The following ZNF705B variants were observed in gnomAD, a reference collection of about 807,000 sequenced individuals.
ZNF705B encodes the protein Putative zinc finger protein 705D-like protein LOC100132396.
In ZNF705B, 1 loss-of-function variant was observed where a neutral mutation model predicts 10.5. That is an observed-to-expected ratio of 0.10 (90% CI 0.03 to 0.45). ZNF705B has a LOEUF of 0.45. Among genes scored for constraint, ZNF705B ranks in the 20% least tolerant of loss-of-function variants. The pLI is 0.97. For missense variants in ZNF705B, 14 were observed against 84.0 expected, an observed-to-expected ratio of 0.17 and a Z score of 3.26; for synonymous variants, 4 against 25.4, an observed-to-expected ratio of 0.16 and a Z score of 2.53.
In ZNF705B at chr8:7,931,922, G is replaced by T. The variant is rs1453508150; in HGVS notation, c.-72+1486G>T. Among the ~76,000 whole-genome samples the T allele has an allele frequency of 3.0e-4, 38 of 124,932 alleles. 1 individual carries two copies. Among genetic ancestry groups the T allele is most frequent in the African/African-American group, 9.0e-4 (36 of 40,102 alleles). The allele number at this position is 124,932 out of a possible 152,430, so 82.0% of individuals were successfully genotyped here. On this transcript the variant is annotated intron_variant, in intron 2 of 6. Coordinates refer to ENST00000400120, the MANE Select transcript of ZNF705B (RefSeq NM_001193630.1). The stretch of plus-strand genomic sequence containing the variant: ...TTGTGACTCTGCAGGCCTCTGGATG[G>T]ACATGAGGGAATGTCACTGAGGGTC...
At chr8:7,941,059 C>T (rs1261506434) in intron 2 of ZNF705B, among the ~76,000 whole-genome samples, 7 of 149,308 alleles carry the variant, frequency 4.7e-5, no homozygotes, top group East Asian at 2.0e-4. Flanking sequence ...ATGGTGTATA[C>T]GTACCACATT....
intron 2 of ZNF705B, among the ~76,000 whole-genome samples, chr8:7,937,227 A>G (rs372236188): frequency 2.5e-5 from 3 of 118,484 alleles, no homozygotes; most frequent in African/African-American, 5.1e-5. Flanking sequence ...GCCTCATTCT[A>G]TTTTCCACTC....
intron 2 of ZNF705B, among the ~76,000 whole-genome samples, chr8:7,931,596 G>T (rs1819850952): frequency 8.2e-6 from 1 of 122,200 alleles, no homozygotes; most frequent in Non-Finnish European, 2.0e-5. Flanking sequence ...TAGTGGTAGT[G>T]ACAGCAATGG....
chr8:7,935,906 C>T (rs1585000280), intron 2 of ZNF705B, among the ~76,000 whole-genome samples: 2 of 91,176 alleles, frequency 2.2e-5, no homozygotes, highest in East Asian at 3.0e-4. Context: ...CTAAAATTGG[C>T]CCTTTGCAGC....
intron 1 of ZNF705B, among the ~76,000 whole-genome samples, chr8:7,928,358 G>A (rs117762771): frequency 0.042 from 5,043 of 119,790 alleles, 1,006 homozygotes; most frequent in Non-Finnish European, 0.055. Context: ...TCCTCCCTCC[G>A]TCAATTTATT....
chr8:7,929,864 G>A (rs1194925010), intron 1 of ZNF705B, among the ~76,000 whole-genome samples: 1 of 33,122 alleles, frequency 3.0e-5, no homozygotes, highest in Non-Finnish European at 1.1e-4. Flanking sequence ...TGTGTGCTTA[G>A]CCACATACAT....
Position 7,929,270 on chromosome 8 carries a change from T to C in ZNF705B, c.-221-1017T>C, listed in dbSNP as rs2719525. ...ATTCAAAATGCAATTTTAATCAAAA[T>C]GCAATTTTAAAATAGCTGCCCTTAC... On this transcript the variant is annotated intron_variant, in intron 1 of 6. Coordinates refer to ENST00000400120, the MANE Select transcript of ZNF705B (RefSeq NM_001193630.1). 4.4e-3 allele frequency among the ~76,000 whole-genome samples: 521 copies of C among 119,240 alleles called. 37 individuals carry two copies. The highest frequency in any genetic ancestry group is 0.012 in the African/African-American group (463 of 39,452). The allele number at this position is 119,240 out of a possible 152,430, so 78.2% of individuals were successfully genotyped here. A position where few individuals can be genotyped will look rare whatever the true frequency, so the allele number is the denominator to read the frequency against.
At chr8:7,931,238 T>C (rs1381105424) in intron 2 of ZNF705B, among the ~76,000 whole-genome samples, 26 of 120,932 alleles carry the variant, frequency 2.1e-4, no homozygotes, top group Non-Finnish European at 4.4e-4. Context: ...GCAATTGCAG[T>C]AGTCATAGCA....
In ZNF705B at chr8:7,932,987, G is replaced by C. The variant is rs1417009476; in HGVS notation, c.-72+2551G>C. On this transcript the variant is annotated intron_variant, in intron 2 of 6. Transcript: ENST00000400120. ...AATGTCCCCTCTGTCTCCCGCCAAA[G>C]CTATCCACATCCTAACTCCTGGGTC... is the stretch of plus-strand genomic sequence containing the variant. 1.7e-5 allele frequency among the ~76,000 whole-genome samples: 2 copies of C among 116,020 alleles called. 1 individual carries two copies. Among genetic ancestry groups the C allele is most frequent in the Non-Finnish European group, 4.1e-5 (2 of 48,634 alleles). The allele number at this position is 116,020 out of a possible 152,430, so 76.1% of individuals were successfully genotyped here.
chr8:7,940,528 A>G (rs1211673975), intron 2 of ZNF705B, among the ~76,000 whole-genome samples: 16 of 115,554 alleles, frequency 1.4e-4, no homozygotes, highest in South Asian at 2.8e-4. Flanking sequence ...TATGCTGTAA[A>G]CGAGACCTCC....
intron 1 of ZNF705B, among the ~76,000 whole-genome samples, chr8:7,929,024 C>G (rs1180217417): frequency 8.3e-6 from 1 of 119,890 alleles, no homozygotes; most frequent in African/African-American, 2.5e-5. Flanking sequence ...ACTAAAATCT[C>G]AGAATTCACC....
chr8:7,932,293 C>G (rs1819870797), intron 2 of ZNF705B, among the ~76,000 whole-genome samples: 2 of 121,038 alleles, frequency 1.7e-5, no homozygotes, highest in African/African-American at 5.0e-5. Context: ...CTTCATTTTC[C>G]TTTCCTTCCA....
Position 7,931,159 on chromosome 8 carries a change from C to T in ZNF705B, c.-72+723C>T, listed in dbSNP as rs1226097473. On this transcript the variant is annotated intron_variant, in intron 2 of 6. Transcript: ENST00000400120. Reference sequence around the variant, plus strand: ...TGAGTCAGGTGGCTTTCTCAAGTGCCAGCAGTGACAGTGGTGAGCTCGGTA... The same window carrying T: ...TGAGTCAGGTGGCTTTCTCAAGTGCTAGCAGTGACAGTGGTGAGCTCGGTA... Among the ~76,000 whole-genome samples the T allele has an allele frequency of 2.1e-4, 26 of 121,340 alleles. 5 individuals carry two copies. Among genetic ancestry groups the T allele is most frequent in the Admixed American group, 1.5e-3 (16 of 10,740 alleles). The allele number at this position is 121,340 out of a possible 152,430, so 79.6% of individuals were successfully genotyped here. A position where few individuals can be genotyped will look rare whatever the true frequency, so the allele number is the denominator to read the frequency against.
At chr8:7,930,960 A>G (rs1409956941) in intron 2 of ZNF705B, among the ~76,000 whole-genome samples, 2 of 126,884 alleles carry the variant, frequency 1.6e-5, no homozygotes, top group Non-Finnish European at 3.7e-5. Flanking sequence ...GGCTCAAGCA[A>G]TTCTCCTGCC....
At chr8:7,941,242 G>A (rs1379224583) in intron 2 of ZNF705B, among the ~76,000 whole-genome samples, 1 of 145,070 alleles carries the variant, frequency 6.9e-6, no homozygotes, top group Non-Finnish European at 1.5e-5. Flanking sequence ...ATTTCTGGTT[G>A]TAGGTCTTTG....
chr8:7,927,941 A>T (rs1393997522), intron 1 of ZNF705B, among the ~76,000 whole-genome samples: 1 of 138,744 alleles, frequency 7.2e-6, no homozygotes, highest in Non-Finnish European at 1.6e-5. Context: ...TGCATCCCTG[A>T]GTTTCCTCCC....
At chr8:7,931,760 A>T (rs2472291) in intron 2 of ZNF705B, among the ~76,000 whole-genome samples, 10 of 130,936 alleles carry the variant, frequency 7.6e-5, no homozygotes, top group East Asian at 2.3e-4. Context: ...TCTCCACTTG[A>T]GAAGAGTGCC....
rs1461458612 is a variant in ZNF705B at position 7,931,503 on chromosome 8, C to T, written c.-72+1067C>T. Among the ~76,000 whole-genome samples the T allele has an allele frequency of 1.6e-5, 2 of 122,156 alleles. 1 individual carries two copies. 80.1% of individuals were successfully genotyped at this position (122,156 alleles called of 152,430 possible). A position where few individuals can be genotyped will look rare whatever the true frequency, so the allele number is the denominator to read the frequency against. ...CCACCAGGCTGGGTGGGCTCATACT[C>T]AGGTCACAAGAAGGCATGCACAGGT... On this transcript the variant is annotated intron_variant, in intron 2 of 6. Transcript: ENST00000400120.
chr8:7,934,210 G>T (rs1263254504), intron 2 of ZNF705B, among the ~76,000 whole-genome samples: 1 of 139,084 alleles, frequency 7.2e-6, no homozygotes, highest in African/African-American at 2.5e-5. Flanking sequence ...AAAGTGCTAG[G>T]ATTACAGGCA....
Sources: allele counts gnomAD v4.1 joint callset (sites outside exome capture counted in the v4.1 genomes callset), GRCh38; gene constraint gnomAD v4.1.1; transcripts MANE v1.5; gene names NCBI Gene and HGNC (gene_info 2026-07-23, HGNC 2026-07-21).